The following EXD1 variants were observed in gnomAD, a reference collection of about 807,000 sequenced individuals.
The protein encoded by EXD1 is piRNA biogenesis protein EXD1.
In EXD1, 63 loss-of-function variants were observed where a neutral mutation model predicts 49.1. The ratio of observed to expected loss-of-function variants is 1.28; its 90% CI spans 1.05 to 1.58. EXD1 has a LOEUF of 1.58. EXD1 is among the 40% of genes most tolerant of loss of function. The pLI, the probability that EXD1 is intolerant of heterozygous loss-of-function variation, is 0.00. For missense variants in EXD1, 748 were observed against 666.0 expected (o/e 1.12, Z -1.36); for synonymous variants, 234 against 239.2 (o/e 0.98, Z 0.20).
At position 41,226,531 on chromosome 15, in the gene EXD1, C is replaced by T. The variant is rs1417887798; in HGVS notation, c.45G>A (p.Trp15Ter). ...AGACCAATGTGAGTTTCACCCTCTTCCACAAAATCTGGCTGAGGAAATGGT... is the reference window on the plus strand; with the variant it reads ...AGACCAATGTGAGTTTCACCCTCTTTCACAAAATCTGGCTGAGGAAATGGT... ...SDYHFLSQIL[W>*]KRVKLTLVCG... The change falls in exon 2 of 12, where the codon TGG becomes TGA. Residue 15 changes from tryptophan (W) to a stop codon, truncating the protein, a stop_gained. Transcript: ENST00000458580. LOFTEE classifies it high-confidence loss of function. 5 of 1,535,956 alleles carry T rather than the reference C, an allele frequency of 3.3e-6. No individual in the cohort carries two copies. In the East Asian group the frequency reaches 9.8e-5, roughly 30 times the overall value.
At chr15:41,228,159 A>G (rs1015439509) in intron 1 of EXD1, among the ~76,000 whole-genome samples, 1 of 152,208 alleles carries the variant, frequency 6.6e-6, no homozygotes, top group Non-Finnish European at 1.5e-5. Context: ...ATGTCCTTGT[A>G]TTTAGAAACT....
At chr15:41,216,099 C>T (rs891556767) in intron 5 of EXD1, among the ~76,000 whole-genome samples, 2 of 151,812 alleles carry the variant, frequency 1.3e-5, no homozygotes, top group Non-Finnish European at 2.9e-5. Context: ...TTTCAGAATC[C>T]CCAATGAATA....
At chr15:41,213,370 T>C (rs1378636281) in intron 6 of EXD1, among the ~76,000 whole-genome samples, 1 of 151,834 alleles carries the variant, frequency 6.6e-6, no homozygotes, top group Non-Finnish European at 1.5e-5. Context: ...CCCAGCTAAT[T>C]TTTGTATTTT....
chr15:41,191,414 T>C (rs1199082019), intron 10 of EXD1, 28 bp downstream of exon 10: 21 of 1,535,236 alleles, frequency 1.4e-5, no homozygotes, highest in Non-Finnish European at 1.8e-5. Flanking sequence ...AAAAAAATAA[T>C]GTCATACAGG....
intron 11 of EXD1, among the ~76,000 whole-genome samples, chr15:41,187,294 TG>T: frequency 6.6e-6 from 1 of 152,152 alleles, no homozygotes; most frequent in African/African-American, 2.4e-5. Context: ...TTCACCATGT[TG>T]GCCAGGCTGG....
intron 9 of EXD1, among the ~76,000 whole-genome samples, chr15:41,194,132 C>A (rs2046574432): frequency 6.6e-6 from 1 of 151,416 alleles, no homozygotes; most frequent in African/African-American, 2.4e-5. Context: ...CTGCCTCAGC[C>A]TCCCGAGTAG....
chr15:41,222,622 G>GT lies in EXD1; in HGVS notation c.134-2725dup, dbSNP rs1444352324. Among the ~76,000 whole-genome samples, 3 of 149,118 alleles carry GT rather than the reference G, an allele frequency of 2.0e-5. No individual in the cohort carries two copies. The East Asian group carries it at 5.9e-4, about 30-fold the overall frequency. ...TCTACCTATTTGTCTATTTATTATA[G>GT]TAAGTTTTTATTTAAATTTTTTTTT... On this transcript the variant is annotated intron_variant, in intron 2 of 11. Transcript: ENST00000458580.
chr15:41,217,222 A>C (rs993028300), intron 3 of EXD1, 68 bp from the exon 4 acceptor site: 3 of 1,292,244 alleles, frequency 2.3e-6, no homozygotes, highest in African/African-American at 2.9e-5. Flanking sequence ...TCCACTACCC[A>C]CACACCCCTA....
intron 7 of EXD1, 146 bp from the exon 8 acceptor site, chr15:41,196,183 G>A: frequency 3.0e-6 from 2 of 668,614 alleles, no homozygotes; most frequent in South Asian, 2.4e-5. Context: ...GTTTCACTCT[G>A]TTGCCCAGGC....
chr15:41,202,201 G>T (rs1228678977), intron 7 of EXD1, among the ~76,000 whole-genome samples: 1 of 151,182 alleles, frequency 6.6e-6, no homozygotes, highest in Non-Finnish European at 1.5e-5. Flanking sequence ...TTGAGACAGA[G>T]TCTCACTCTG....
intron 9 of EXD1, among the ~76,000 whole-genome samples, chr15:41,192,896 C>T (rs2046550231): frequency 6.7e-6 from 1 of 150,034 alleles, no homozygotes; most frequent in Non-Finnish European, 1.5e-5. Flanking sequence ...CCCGGGTTCA[C>T]GCCATTCTCC....
intron 11 of EXD1, among the ~76,000 whole-genome samples, chr15:41,189,431 A>G (rs1230680477): frequency 6.6e-6 from 1 of 151,212 alleles, no homozygotes. Context: ...TGGGAGGCCA[A>G]GGTGGGCGGA....
In EXD1 at chr15:41,230,578, C is replaced by T. The variant is rs559994550; in HGVS notation, c.-153G>A. On this transcript the variant is annotated 5_prime_UTR_variant, in exon 1 of 12. Coordinates refer to ENST00000458580, the MANE Select transcript of EXD1 (RefSeq NM_001286441.2). ...AATTTCAGCCAAGTGGTGCGTTCCT[C>T]GAACTTCAGTCTAGAACTAAAAGAA... is the stretch of plus-strand genomic sequence containing the variant. 1.2e-6 allele frequency: 2 copies of T among 1,611,860 alleles called. No individual in the cohort carries two copies. The highest frequency in any genetic ancestry group is 1.7e-5 in the Admixed American group (1 of 59,890).
intron 7 of EXD1, among the ~76,000 whole-genome samples, chr15:41,199,816 T>G (rs953471499): frequency 1.3e-3 from 8 of 6,064 alleles, no homozygotes; most frequent in South Asian, 0.067. Flanking sequence ...ATATGTCATA[T>G]ATAGATATAT....
intron 9 of EXD1, among the ~76,000 whole-genome samples, chr15:41,193,341 T>C (rs1386329539): frequency 6.6e-6 from 1 of 152,208 alleles, no homozygotes; most frequent in Non-Finnish European, 1.5e-5. Context: ...GGGCTGAGAA[T>C]GCATTCCTAT....
rs1390116087 is a variant in EXD1, at chr15:41,215,767, A to T, written c.447+8T>A. 6.2e-7 allele frequency: 1 copy of T among 1,613,464 alleles called. No individual in the cohort carries two copies. The highest frequency in any genetic ancestry group is 2.2e-5 in the East Asian group (1 of 44,872). ...GCAATACTAGTAATGATTGAGGACA[A>T]TACTTACCGCAGCACCAAACTTCTG... On this transcript the variant is annotated splice_region_variant and intron_variant, in intron 6 of 11. Coordinates refer to ENST00000458580, the MANE Select transcript of EXD1 (RefSeq NM_001286441.2).
intron 9 of EXD1, among the ~76,000 whole-genome samples, chr15:41,192,470 T>G (rs913712902): frequency 6.6e-6 from 1 of 151,762 alleles, no homozygotes; most frequent in Admixed American, 6.6e-5. Flanking sequence ...CTAATTTTCA[T>G]ATTGTTAGTG....
In EXD1 at chr15:41,220,977, G is replaced by A. The variant is rs561445084; in HGVS notation, c.134-1079C>T. ...CCCACCTCAGCCTCCCAAAGTACTG[G>A]GATTACAGGTGTAAGCCACCGTGCC... On this transcript the variant is annotated intron_variant, in intron 2 of 11. Transcript: ENST00000458580. Among the ~76,000 whole-genome samples the A allele has an allele frequency of 5.9e-5, 9 of 152,116 alleles. No individual in the cohort carries two copies. In the South Asian group the frequency reaches 1.9e-3, roughly 32 times the overall value.
chr15:41,183,654 A>C lies in EXD1; in HGVS notation c.*277T>G, dbSNP rs2046355977. 1 of 287,776 alleles carries C rather than the reference A, an allele frequency of 3.5e-6. No individual in the cohort carries two copies. Among genetic ancestry groups the C allele is most frequent in the Non-Finnish European group, 6.4e-6 (1 of 156,994 alleles). The allele number at this position is 287,776 out of a possible 1,614,324, so 17.8% of individuals were successfully genotyped here. Reference sequence around the variant, plus strand: ...AAGCCCAAGATTCTTCCTTTCTTCAAATCCTCTAAACCCAAATTATGAAAA... The same window carrying C: ...AAGCCCAAGATTCTTCCTTTCTTCACATCCTCTAAACCCAAATTATGAAAA... On this transcript the variant is annotated 3_prime_UTR_variant, in exon 12 of 12. Coordinates refer to ENST00000458580, the MANE Select transcript of EXD1 (RefSeq NM_001286441.2).
Sources: allele counts gnomAD v4.1 joint callset (sites outside exome capture counted in the v4.1 genomes callset), GRCh38; gene constraint gnomAD v4.1.1; transcripts MANE v1.5; gene names NCBI Gene and HGNC (gene_info 2026-07-23, HGNC 2026-07-21).